TXNL4A: variants seen among roughly 807,000 people sequenced by gnomAD.
TXNL4A encodes the protein thioredoxin-like protein 4A.
Under a neutral mutation model 14.6 loss-of-function variants are expected in TXNL4A, and 17 were observed. That is an observed-to-expected ratio of 1.16 (90% CI 0.80 to 1.74). The LOEUF is 1.74. Ranked by LOEUF, TXNL4A falls within the 40% of genes most tolerant of loss-of-function variation. The probability of loss-of-function intolerance (pLI) is 0.00; values close to 1 mark genes in which losing one functional copy is unlikely to be tolerated. For synonymous variants in TXNL4A, 83 were observed against 70.6 expected (o/e 1.18, Z -0.88); for missense variants, 74 against 195.2 (o/e 0.38, Z 3.70).
chr18:80,009,062 C>G (rs912015283), intron 1 of TXNL4A, among the ~76,000 whole-genome samples: 1 of 152,254 alleles, frequency 6.6e-6, no homozygotes, highest in African/African-American at 2.4e-5. Context: ...CAGGCGTGAG[C>G]CACTGCGCCC....
rs1568378177 is a variant in TXNL4A at position 80,011,121 on chromosome 18, A to G, written c.-61+22730T>C. On this transcript the variant is annotated intron_variant, in intron 1 of 2. Transcript: ENST00000585474. This position sits in a 1 kb window ranked among gnomAD's most constrained non-coding sequence, Gnocchi z 4.1. ...TTGGTGCTTGTTAGCCCCTCGGGAA[A>G]GGAAACAATTTGGGTTATATCATTG... 6.6e-6 allele frequency among the ~76,000 whole-genome samples: 1 copy of G among 152,182 alleles called. No homozygotes were observed. Among genetic ancestry groups the G allele is most frequent in the Admixed American group, 6.5e-5 (1 of 15,278 alleles).
intron 1 of TXNL4A, among the ~76,000 whole-genome samples, chr18:80,021,474 G>A (rs2051848590): frequency 6.6e-6 from 1 of 152,116 alleles, no homozygotes; most frequent in Non-Finnish European, 1.5e-5. Flanking sequence ...ACTGCCCCTG[G>A]CTGGTTGGAG....
intron 1 of TXNL4A, among the ~76,000 whole-genome samples, chr18:80,026,676 C>T (rs2051886597): frequency 6.6e-6 from 1 of 152,156 alleles, no homozygotes; most frequent in South Asian, 2.1e-4. Context: ...CCTTTACTTT[C>T]CCGTTTCATT....
rs2051767509 is a variant in TXNL4A, at chr18:80,011,166, CT to C, written c.-61+22684del. 6.6e-6 allele frequency among the ~76,000 whole-genome samples: 1 copy of C among 152,096 alleles called. No homozygotes were observed. Among genetic ancestry groups the C allele is most frequent in the East Asian group, 1.9e-4 (1 of 5,188 alleles). ...TCATTGAGTATGCAAAGGCCAAACA[CT>C]AATATAAAACATATAAGGAAAAGAG... On this transcript the variant is annotated intron_variant, in intron 1 of 2. Coordinates refer to the TXNL4A transcript ENST00000585474. The surrounding 1 kb of genome is among the most constrained non-coding windows in gnomAD (Gnocchi z 4.1).
At chr18:79,991,197 G>C (rs2051626752), upstream of TXNL4A, among the ~76,000 whole-genome samples, 1 of 149,882 alleles carries the variant, frequency 6.7e-6, no homozygotes. Flanking sequence ...TTTCAGTGTT[G>C]TGGAACCAAT....
At chr18:80,031,827 TAATC>T (rs1262558738) in intron 1 of TXNL4A, among the ~76,000 whole-genome samples, 2 of 152,232 alleles carry the variant, frequency 1.3e-5, no homozygotes, top group Non-Finnish European at 2.9e-5. Flanking sequence ...AAAACCCAGA[TAATC>T]AACCTGTCAG....
At chr18:80,028,819 C>T (rs1182514869) in intron 1 of TXNL4A, among the ~76,000 whole-genome samples, 1 of 152,150 alleles carries the variant, frequency 6.6e-6, no homozygotes, top group African/African-American at 2.4e-5. Flanking sequence ...GATATTTAGC[C>T]TCCTCAGGGC....
At chr18:80,018,644 A>G (rs530289304) in intron 1 of TXNL4A, among the ~76,000 whole-genome samples, 3 of 152,362 alleles carry the variant, frequency 2.0e-5, no homozygotes, top group African/African-American at 7.2e-5. Flanking sequence ...TAAAAATGAT[A>G]AAGGGGATAT....
chr18:79,978,965 T>C lies in TXNL4A; in HGVS notation c.154-1264A>G, dbSNP rs1196918671. On this transcript the variant is annotated intron_variant, in intron 1 of 2. Transcript: ENST00000269601. ...TTTTTTTCTTTTTTTTGAGACGGAG[T>C]CTCGATCTGTCGCCTGGTCTGGAGT... 2.7e-5 allele frequency among the ~76,000 whole-genome samples: 4 copies of C among 150,658 alleles called. No homozygotes were observed. In the East Asian group the frequency reaches 7.9e-4, roughly 30 times the overall value.
intron 1 of TXNL4A, among the ~76,000 whole-genome samples, chr18:79,978,803 C>T (rs1443109107): frequency 5.3e-5 from 8 of 149,610 alleles, no homozygotes; most frequent in Admixed American, 5.3e-4. Context: ...AATATTTTTA[C>T]TATATTCTTT....
At chr18:79,975,740 G>C (rs1198408729) in intron 2 of TXNL4A, among the ~76,000 whole-genome samples, 1 of 152,182 alleles carries the variant, frequency 6.6e-6, no homozygotes, top group Non-Finnish European at 1.5e-5. Flanking sequence ...CCGAGGAACA[G>C]GGACACGGGG....
At chr18:79,985,802 A>G (rs2051538614) in intron 1 of TXNL4A, 2 of 152,194 alleles carry the variant, frequency 1.3e-5, no homozygotes, top group Admixed American at 6.5e-5. Context: ...CTCACTTTAA[A>G]ACAGCTGGAA....
At chr18:79,986,723 G>C (rs2051554690) in intron 1 of TXNL4A, 5 of 985,346 alleles carry the variant, frequency 5.1e-6, no homozygotes, top group Admixed American at 6.1e-5. Flanking sequence ...AGCAGGATCT[G>C]AACACCACCC....
upstream of TXNL4A, among the ~76,000 whole-genome samples, chr18:79,991,169 A>G (rs974800890): frequency 9.9e-5 from 15 of 151,882 alleles, no homozygotes; most frequent in Admixed American, 2.0e-4. Flanking sequence ...AAATTCACCA[A>G]TTGAAGGTGA....
chr18:80,009,090 T>C (rs935907425), intron 1 of TXNL4A, among the ~76,000 whole-genome samples: 2 of 152,204 alleles, frequency 1.3e-5, no homozygotes, highest in African/African-American at 4.8e-5. Flanking sequence ...TTTATTTTTC[T>C]TTCTAGGTCT....
chr18:79,973,563 A>G lies in TXNL4A; in HGVS notation c.*122T>C. On this transcript the variant is annotated 3_prime_UTR_variant, in exon 3 of 3. Coordinates refer to ENST00000269601, the MANE Select transcript of TXNL4A (RefSeq NM_006701.5). ...TCGGTGAGTTAAGACCATGTTATCAATTCCATCTCAGAGGTGCTCCAGCCC... is the reference window on the plus strand; with the variant it reads ...TCGGTGAGTTAAGACCATGTTATCAGTTCCATCTCAGAGGTGCTCCAGCCC... The G allele has an allele frequency of 7.7e-7, 1 of 1,291,936 alleles. No individual in the cohort carries two copies. Among genetic ancestry groups the G allele is most frequent in the South Asian group, 1.6e-5 (1 of 63,348 alleles). 80.0% of individuals were successfully genotyped at this position (1,291,936 alleles called of 1,614,324 possible).
At chr18:80,010,569 T>C (rs2051763214) in intron 1 of TXNL4A, among the ~76,000 whole-genome samples, 2 of 152,308 alleles carry the variant, frequency 1.3e-5, no homozygotes, top group African/African-American at 2.4e-5. Flanking sequence ...TGAAGCCCAC[T>C]GTGCCCATGC....
At chr18:80,033,831 C>A (rs1302910921) in intron 1 of TXNL4A, 2 of 144,794 alleles carry the variant, frequency 1.4e-5, no homozygotes, top group East Asian at 2.1e-4. Flanking sequence ...TGCCGCCCCC[C>A]CCGCCCGCAC....
chr18:80,032,051 T>C (rs1415452764), intron 1 of TXNL4A, among the ~76,000 whole-genome samples: 2 of 152,274 alleles, frequency 1.3e-5, no homozygotes, highest in Non-Finnish European at 2.9e-5. Flanking sequence ...CAGGAGGCAG[T>C]AATGTAGCCT....
Sources: gnomAD v4.1 joint callset for allele counts (sites outside exome capture counted in the v4.1 genomes callset) on GRCh38, gnomAD v4.1.1 for gene constraint, Gnocchi (gnomAD v3.1) non-coding constraint, MANE v1.5 for transcripts, NCBI Gene and HGNC (gene_info 2026-07-23, HGNC 2026-07-21) for gene names.